The following SLC12A1 variants were observed in gnomAD, a reference collection of about 807,000 sequenced individuals.
SLC12A1 encodes solute carrier family 12 member 1.
A neutral mutation model predicts 130.4 loss-of-function variants in SLC12A1; 89 were observed. The observed-to-expected ratio is 0.68, with a 90% confidence interval of 0.58 to 0.81. The LOEUF (loss-of-function observed/expected upper bound fraction) is 0.81. SLC12A1 is among the 40% of genes least tolerant of loss of function. The pLI is 0.00. For missense variants in SLC12A1, 1,310 were observed against 1,336.4 expected (o/e 0.98, Z 0.31); for synonymous variants, 499 against 460.0 (o/e 1.08, Z -1.09).
intron 25 of SLC12A1, among the ~76,000 whole-genome samples, chr15:48,300,012 A>C (rs1439785779): frequency 6.6e-6 from 1 of 152,166 alleles, no homozygotes; most frequent in Non-Finnish European, 1.5e-5. Flanking sequence ...CTTTAAGTAT[A>C]ATTGCAGGCA....
chr15:48,250,510 T>C (rs1437816435), intron 14 of SLC12A1, among the ~76,000 whole-genome samples: 1 of 152,108 alleles, frequency 6.6e-6, no homozygotes, highest in Non-Finnish European at 1.5e-5. Context: ...CAGAAATGTG[T>C]GACTCCATGC....
chr15:48,260,152 C>A (rs78541192), intron 17 of SLC12A1, among the ~76,000 whole-genome samples: 17,526 of 151,776 alleles, frequency 0.12, 1,827 homozygotes, highest in East Asian at 0.3. Flanking sequence ...GTAATCCCAG[C>A]TACTCAGGAG....
At chr15:48,208,552 A>T (rs1207435433) in intron 2 of SLC12A1, among the ~76,000 whole-genome samples, 2 of 152,226 alleles carry the variant, frequency 1.3e-5, no homozygotes, top group Admixed American at 1.3e-4. Context: ...ACTTAAAGGG[A>T]TCCTCCCACC....
At chr15:48,272,765 G>C (rs1239558886) in intron 19 of SLC12A1, among the ~76,000 whole-genome samples, 2 of 151,902 alleles carry the variant, frequency 1.3e-5, no homozygotes, top group African/African-American at 4.8e-5. Context: ...GTATATATTA[G>C]TTTTCAATGG....
In SLC12A1 at chr15:48,249,582, G is replaced by A. The variant is rs2041624307; in HGVS notation, c.1692G>A (p.Leu564=). ...ATTCTGTTACTTTTACAGCGGAACT[G>A]AACACCATTGCTCCCATCATCTCCA... ...IAMAFILIAE[L]NTIAPIISNF... Residue 564 remains leucine, a synonymous_variant, in exon 14 of 27, where the codon CTG becomes CTA. Transcript: ENST00000380993. 6.2e-7 allele frequency: 1 copy of A among 1,613,436 alleles called. No homozygotes were observed. Among genetic ancestry groups the A allele is most frequent in the African/African-American group, 1.3e-5 (1 of 75,014 alleles).
intron 9 of SLC12A1, among the ~76,000 whole-genome samples, chr15:48,240,864 T>A (rs1176827728): frequency 6.6e-6 from 1 of 152,212 alleles, no homozygotes; most frequent in Non-Finnish European, 1.5e-5. Flanking sequence ...TTAAGTATGA[T>A]GTGAACTCAA....
At position 48,261,465 on chromosome 15, in the gene SLC12A1, GC is replaced by G. The variant is rs1381123415; in HGVS notation, c.2154+2157del. Reference sequence around the variant, plus strand: ...TACTATACTGGTCTCTCCATGCAGGGCCCAAGAGTCCTGCTCCAAGGTGCCA... The same window carrying G: ...TACTATACTGGTCTCTCCATGCAGGGCCAAGAGTCCTGCTCCAAGGTGCCA... On this transcript the variant is annotated intron_variant, in intron 17 of 26. Coordinates refer to ENST00000380993, the MANE Select transcript of SLC12A1 (RefSeq NM_000338.3). Among the ~76,000 whole-genome samples the G allele has an allele frequency of 3.9e-5, 6 of 152,262 alleles. No homozygotes were observed. In the South Asian group the frequency reaches 1.0e-3, roughly 26 times the overall value.
chr15:48,253,938 C>T (rs1472242061), intron 15 of SLC12A1, among the ~76,000 whole-genome samples: 1 of 152,148 alleles, frequency 6.6e-6, no homozygotes, highest in African/African-American at 2.4e-5. Flanking sequence ...ATTTGCCATC[C>T]ATATATCTTT....
chr15:48,207,831 G>T lies in SLC12A1; in HGVS notation c.112G>T (p.Asp38Tyr), dbSNP rs1214617731. The T allele has an allele frequency of 2.5e-6, 4 of 1,613,950 alleles. No homozygotes were observed. The East Asian group carries it at 8.9e-5, about 36-fold the overall frequency. Residue 38 changes from aspartate to tyrosine, a missense_variant, in exon 2 of 27, where the codon GAC (aspartate) becomes TAC (tyrosine). Physicochemically the swap from Asp to Tyr is radical, Grantham distance 160. Transcript: ENST00000380993. ...ENHESSAAAD[D>Y]NTDPPHYEET... ...CCATGAGAGCAGTGCAGCTGCAGAT[G>T]ACAATACTGACCCACCACATTATGA... is the stretch of plus-strand genomic sequence containing the variant.
intron 21 of SLC12A1, among the ~76,000 whole-genome samples, chr15:48,286,232 C>T (rs1437982995): frequency 2.0e-5 from 3 of 152,092 alleles, no homozygotes; most frequent in Non-Finnish European, 2.9e-5. Context: ...TTTATATATC[C>T]ACAGAGAATG....
At chr15:48,230,694 C>T (rs539534895) in intron 7 of SLC12A1, among the ~76,000 whole-genome samples, 191 bp downstream of exon 7, 6 of 152,342 alleles carry the variant, frequency 3.9e-5, no homozygotes, top group Non-Finnish European at 7.3e-5. Context: ...TCAGGGCTCA[C>T]GAGTCACATG....
chr15:48,220,108 CAAAAAAA>C (rs59484094), intron 2 of SLC12A1, among the ~76,000 whole-genome samples: 2 of 75,376 alleles, frequency 2.7e-5, no homozygotes, highest in Non-Finnish European at 5.4e-5. Context: ...GACTCTGCCT[CAAAAAAA>C]AAAAAAAAAA....
In SLC12A1 at chr15:48,255,838, C is replaced by T. The variant is rs2041701051; in HGVS notation, c.1970C>T (p.Ala657Val). 6.2e-7 allele frequency: 1 copy of T among 1,608,004 alleles called. No homozygotes were observed. Among genetic ancestry groups the T allele is most frequent in the South Asian group, 1.1e-5 (1 of 89,370 alleles). The change falls in exon 16 of 27, where the codon GCT becomes GTT. Residue 657 changes from alanine (A) to valine (V), a missense_variant. Ala to Val is a moderately conservative substitution (Grantham distance 64). Coordinates refer to ENST00000380993, the MANE Select transcript of SLC12A1 (RefSeq NM_000338.3). ...PDVNWGSSTQ[A>V]LSYVSALDNA... ...GTGAACTGGGGCTCCTCCACACAGG[C>T]TCTTTCCTACGTGAGTGCTTTAGAC...
intron 4 of SLC12A1, chr15:48,221,581 C>G (rs2041216926): frequency 6.9e-6 from 3 of 434,616 alleles, no homozygotes; most frequent in Non-Finnish European, 1.2e-5. Context: ...TTATTTTTTT[C>G]TAAATGAAAA....
At chr15:48,206,832 GAT>G (rs2040988401) in intron 1 of SLC12A1, among the ~76,000 whole-genome samples, 1 of 151,898 alleles carries the variant, frequency 6.6e-6, no homozygotes, top group Admixed American at 6.6e-5. Context: ...ATTTCTTATA[GAT>G]ATATGACTTA....
intron 21 of SLC12A1, among the ~76,000 whole-genome samples, chr15:48,285,688 CA>C (rs2042049233): frequency 6.6e-6 from 1 of 152,176 alleles, no homozygotes; most frequent in African/African-American, 2.4e-5. Context: ...CTGATTTCAA[CA>C]AAAGCATCTT....
chr15:48,228,778 A>G (rs2041327620), intron 5 of SLC12A1: 1 of 158,842 alleles, frequency 6.3e-6, no homozygotes, highest in Admixed American at 6.2e-5. Context: ...TTAGAAAAAC[A>G]AAGATAAACT....
At chr15:48,218,934 GA>G (rs2041162393) in intron 2 of SLC12A1, among the ~76,000 whole-genome samples, 1 of 152,292 alleles carries the variant, frequency 6.6e-6, no homozygotes, top group Non-Finnish European at 1.5e-5. Flanking sequence ...CAATTTGACA[GA>G]AAAAGAGCTG....
chr15:48,223,142 A>T (rs1268424061), intron 4 of SLC12A1: 1 of 152,220 alleles, frequency 6.6e-6, no homozygotes, highest in African/African-American at 2.4e-5. Context: ...TTCCTACCCA[A>T]TGAATTCTTT....
Sources: allele counts gnomAD v4.1 joint callset (sites outside exome capture counted in the v4.1 genomes callset), GRCh38; gene constraint gnomAD v4.1.1; transcripts MANE v1.5; gene names NCBI Gene and HGNC (gene_info 2026-07-23, HGNC 2026-07-21).